The following NGF variants were observed in gnomAD, a reference collection of about 807,000 sequenced individuals.
NGF encodes the protein nerve growth factor.
In NGF, 4 loss-of-function variants were observed where a neutral mutation model predicts 12.8. The ratio of observed to expected loss-of-function variants is 0.31; its 90% CI spans 0.15 to 0.72. The LOEUF is 0.72. Ranked by LOEUF, NGF falls within the 30% of genes least tolerant of loss-of-function variation. The probability of loss-of-function intolerance (pLI) is 0.69; values close to 1 mark genes in which losing one functional copy is unlikely to be tolerated. For synonymous variants in NGF, 140 were observed against 130.0 expected, an observed-to-expected ratio of 1.08 and a Z score of -0.52; for missense variants, 283 against 330.8, an observed-to-expected ratio of 0.86 and a Z score of 1.12.
chr1:115,338,247 A>G lies in NGF; in HGVS notation c.-180T>C, dbSNP rs1055288794. 8 of 152,092 alleles carry G rather than the reference A, an allele frequency of 5.3e-5. No homozygotes were observed. Among genetic ancestry groups the G allele is most frequent in the African/African-American group, 1.9e-4 (8 of 41,382 alleles). The allele number at this position is 152,092 out of a possible 1,614,324, so 9.4% of individuals were successfully genotyped here. A position where few individuals can be genotyped will look rare whatever the true frequency, so the allele number is the denominator to read the frequency against. On this transcript the variant is annotated 5_prime_UTR_variant, in exon 1 of 3. Transcript: ENST00000369512. ...CTCCCAGCGCTCTCTGCTGTGCCGG[A>G]GCGCCGAGCTGCTCTCACACAGGCT...
intron 1 of NGF, among the ~76,000 whole-genome samples, chr1:115,329,744 CTTT>C (rs1039991768): frequency 2.9e-5 from 3 of 103,988 alleles, no homozygotes; most frequent in Non-Finnish European, 1.9e-5. Context: ...TTCTTTCTTT[CTTT>C]TTTTTTTTTT....
chr1:115,304,193 G>A (rs1437931410), intron 1 of NGF, among the ~76,000 whole-genome samples: 3 of 151,820 alleles, frequency 2.0e-5, no homozygotes, highest in African/African-American at 7.3e-5. Context: ...TTTTCGAGAT[G>A]TAGTTTTTGC....
At chr1:115,329,319 T>A (rs1007621983) in intron 1 of NGF, among the ~76,000 whole-genome samples, 2 of 152,156 alleles carry the variant, frequency 1.3e-5, no homozygotes, top group African/African-American at 4.8e-5. Context: ...ACAACAGCTA[T>A]ACAAGAGAGA....
At chr1:115,331,689 A>G (rs1654927024) in intron 1 of NGF, among the ~76,000 whole-genome samples, 1 of 152,210 alleles carries the variant, frequency 6.6e-6, no homozygotes, top group Non-Finnish European at 1.5e-5. Flanking sequence ...CTGTCCCTTA[A>G]CAATGAGGCA....
chr1:115,302,791 C>T (rs1207095975), intron 1 of NGF, among the ~76,000 whole-genome samples: 1 of 152,192 alleles, frequency 6.6e-6, no homozygotes, highest in African/African-American at 2.4e-5. Flanking sequence ...CTGGCTCCAG[C>T]TCTCACCTTT....
chr1:115,296,370 C>T (rs1237120696), intron 1 of NGF, among the ~76,000 whole-genome samples: 1 of 152,208 alleles, frequency 6.6e-6, no homozygotes, highest in Non-Finnish European at 1.5e-5. Flanking sequence ...GTAATAGTGA[C>T]TTTCTCAGGA....
At chr1:115,333,635 C>G (rs1654987160) in intron 1 of NGF, among the ~76,000 whole-genome samples, 1 of 151,868 alleles carries the variant, frequency 6.6e-6, no homozygotes, top group South Asian at 2.1e-4. Context: ...GGAGGGAGCT[C>G]CTTAAGACTT....
intron 1 of NGF, among the ~76,000 whole-genome samples, chr1:115,325,958 G>A (rs1654760798): frequency 6.6e-6 from 1 of 152,138 alleles, no homozygotes; most frequent in Non-Finnish European, 1.5e-5. Context: ...TTCTAAATTT[G>A]AGATGTCCTT....
chr1:115,300,670 A>G (rs1654008261), intron 1 of NGF, among the ~76,000 whole-genome samples: 1 of 152,196 alleles, frequency 6.6e-6, no homozygotes, highest in African/African-American at 2.4e-5. Flanking sequence ...CTTCACACCC[A>G]GAAAATCTGA....
intron 1 of NGF, among the ~76,000 whole-genome samples, chr1:115,308,998 C>T (rs1654275417): frequency 6.6e-6 from 1 of 152,172 alleles, no homozygotes; most frequent in East Asian, 1.9e-4. Flanking sequence ...AATGCAGCCC[C>T]TGTATGTGAT....
rs979863594 is a variant in NGF, at chr1:115,292,982, C to T, written c.-13+645G>A. ...GCTGTGCTGGATACATTAATGGGAA[C>T]CAAATCTACTGATCTGAATTCTAAA... On this transcript the variant is annotated intron_variant, in intron 2 of 2. Coordinates refer to ENST00000369512, the MANE Select transcript of NGF (RefSeq NM_002506.3). Among the ~76,000 whole-genome samples, 3 of 151,746 alleles carry T rather than the reference C, an allele frequency of 2.0e-5. No individual in the cohort carries two copies. In the East Asian group the frequency reaches 5.8e-4, roughly 29 times the overall value.
intron 2 of NGF, among the ~76,000 whole-genome samples, chr1:115,291,610 C>T (rs1052282624): frequency 2.0e-5 from 3 of 152,238 alleles, no homozygotes; most frequent in African/African-American, 7.2e-5. Flanking sequence ...GATGCCTTTA[C>T]AACCAGCCAC....
chr1:115,327,113 G>T (rs1654798618), intron 1 of NGF, among the ~76,000 whole-genome samples: 1 of 152,100 alleles, frequency 6.6e-6, no homozygotes, highest in South Asian at 2.1e-4. Context: ...AACCATAAAA[G>T]AAAGAAGATA....
intron 1 of NGF, among the ~76,000 whole-genome samples, chr1:115,325,249 A>G (rs1654740944): frequency 6.6e-6 from 1 of 152,166 alleles, no homozygotes; most frequent in African/African-American, 2.4e-5. Flanking sequence ...CAGTGTGGTC[A>G]CCACACAACC....
At chr1:115,337,267 G>GTTTGTTTTTTTGTTTTTTTT in intron 1 of NGF, among the ~76,000 whole-genome samples, 1 of 81,030 alleles carries the variant, frequency 1.2e-5, no homozygotes, top group Non-Finnish European at 2.3e-5. Context: ...TTTTGTTTTT[G>GTTTGTTTTTTTGTTTTTTTT]TTTTTTTTTT....
chr1:115,290,232 A>C (rs1450755712), intron 2 of NGF, among the ~76,000 whole-genome samples: 1 of 150,380 alleles, frequency 6.6e-6, no homozygotes, highest in African/African-American at 2.5e-5. Flanking sequence ...CCTTTTTCAG[A>C]CTCTTCCCTT....
chr1:115,296,023 A>T (rs1411309324), intron 1 of NGF, among the ~76,000 whole-genome samples: 1 of 152,244 alleles, frequency 6.6e-6, no homozygotes, highest in Non-Finnish European at 1.5e-5. Flanking sequence ...TATATGTGAC[A>T]TGATATGAAA....
intron 1 of NGF, among the ~76,000 whole-genome samples, chr1:115,296,128 A>T (rs562277259): frequency 6.6e-6 from 1 of 152,264 alleles, no homozygotes; most frequent in South Asian, 2.1e-4. Context: ...TTAAGGATGA[A>T]TAGGAGCTCA....
chr1:115,333,841 CTTTT>C (rs1223631983), intron 1 of NGF, among the ~76,000 whole-genome samples: 3 of 137,902 alleles, frequency 2.2e-5, no homozygotes, highest in Non-Finnish European at 4.7e-5. Flanking sequence ...CTCTCTCTTT[CTTTT>C]CTTTTCTTTC....
Sources: gnomAD v4.1 joint callset for allele counts (sites outside exome capture counted in the v4.1 genomes callset) on GRCh38, gnomAD v4.1.1 for gene constraint, MANE v1.5 for transcripts, NCBI Gene and HGNC (gene_info 2026-07-23, HGNC 2026-07-21) for gene names.